Variants in CLASP1 observed in about 807,000 individuals in gnomAD.
CLASP1 encodes the protein cytoplasmic linker associated protein 1, also known as CLIP-associating protein 1.
CLASP1 carries 38 observed loss-of-function variants against 192.3 expected under a neutral mutation model. The observed-to-expected ratio is 0.20, with a 90% CI of 0.15 to 0.26. The LOEUF is 0.26. Among genes scored for constraint, CLASP1 ranks in the 10% least tolerant of loss-of-function variants. The pLI, the probability that CLASP1 is intolerant of heterozygous loss-of-function variation, is 1.00. For missense variants in CLASP1, 1,433 were observed against 1,932.5 expected, an observed-to-expected ratio of 0.74 and a Z score of 4.85; for synonymous variants, 691 against 712.8, an observed-to-expected ratio of 0.97 and a Z score of 0.49.
chr2:121,603,214 A>T (rs2063998569), intron 2 of CLASP1: 1 of 145,630 alleles, frequency 6.9e-6, no homozygotes, highest in Admixed American at 6.7e-5. Context: ...ATCTCAACAG[A>T]AAAAAAAAAT....
At chr2:121,470,735 T>C in intron 8 of CLASP1, 1 of 415,068 alleles carries the variant, frequency 2.4e-6, no homozygotes, top group Non-Finnish European at 4.7e-6. Flanking sequence ...GTAAAAGTTC[T>C]TGATGTATAG....
intron 1 of CLASP1, among the ~76,000 whole-genome samples, chr2:121,632,010 G>C (rs2069775245): frequency 6.6e-6 from 1 of 151,964 alleles, no homozygotes; most frequent in Non-Finnish European, 1.5e-5. Flanking sequence ...TCACGCCACT[G>C]CACTCCAGCC....
chr2:121,457,078 T>C (rs571459452), intron 14 of CLASP1, among the ~76,000 whole-genome samples: 3 of 152,310 alleles, frequency 2.0e-5, no homozygotes, highest in Admixed American at 6.5e-5. Context: ...ACACGTAGTT[T>C]AGGGCAGCTC....
At chr2:121,530,254 G>A (rs1283637300) in exon 3 of CLASP1, 4 of 1,551,792 alleles carry the variant, frequency 2.6e-6, no homozygotes, top group Admixed American at 2.0e-5. Flanking sequence ...CACCTGTGCC[G>A]ATCTGCGCCT....
chr2:121,634,279 G>T (rs2070381083), intron 1 of CLASP1, among the ~76,000 whole-genome samples: 1 of 152,222 alleles, frequency 6.6e-6, no homozygotes, highest in Non-Finnish European at 1.5e-5. Flanking sequence ...TTTGCTGAAT[G>T]ATGATTTTGA....
exon 31 of CLASP1, chr2:121,387,889 T>G: frequency 6.2e-7 from 1 of 1,611,076 alleles, no homozygotes; most frequent in Non-Finnish European, 8.5e-7. Flanking sequence ...ACAGAGAGAT[T>G]AGCACAATCT....
chr2:121,384,495 A>AC lies in CLASP1; in HGVS notation c.3375-2172_3375-2171insG, dbSNP rs2072733200. On this transcript the variant is annotated intron_variant, in intron 32 of 39. Coordinates refer to ENST00000263710, the Ensembl canonical transcript of CLASP1. The stretch of plus-strand genomic sequence containing the variant: ...CAGTCACGGTGTCCAGCCACTAGTG[A>AC]TATTTTTAAACAATTATCAGATTTA... 2.6e-5 allele frequency among the ~76,000 whole-genome samples: 4 copies of AC among 152,196 alleles called. No homozygotes were observed. The South Asian group carries it at 8.3e-4, about 32-fold the overall frequency.
intron 2 of CLASP1, among the ~76,000 whole-genome samples, chr2:121,539,163 AAAT>A (rs1487148588): frequency 6.6e-6 from 1 of 152,210 alleles, no homozygotes; most frequent in Non-Finnish European, 1.5e-5. Context: ...TTTAAGAACT[AAAT>A]AAGTTGATTC....
chr2:121,630,233 T>C (rs1385926187), intron 1 of CLASP1, among the ~76,000 whole-genome samples: 3 of 152,188 alleles, frequency 2.0e-5, no homozygotes, highest in Non-Finnish European at 4.4e-5. Context: ...ATTCCTATTC[T>C]TTCTAGTTAA....
At chr2:121,447,856 G>A (rs1230638134) in intron 18 of CLASP1, among the ~76,000 whole-genome samples, 1 of 152,112 alleles carries the variant, frequency 6.6e-6, no homozygotes, top group Non-Finnish European at 1.5e-5. Context: ...ACATAACTGT[G>A]CCACGCCCTC....
At chr2:121,526,821 A>T (rs2094585587) in intron 5 of CLASP1, among the ~76,000 whole-genome samples, 1 of 152,220 alleles carries the variant, frequency 6.6e-6, no homozygotes, top group Admixed American at 6.5e-5. Context: ...TTTCATAATC[A>T]GAAAAAAAGG....
At chr2:121,487,455 A>G (rs769570818) in intron 8 of CLASP1, among the ~76,000 whole-genome samples, 4 of 152,136 alleles carry the variant, frequency 2.6e-5, no homozygotes, top group Non-Finnish European at 5.9e-5. Flanking sequence ...AGCATTCCTT[A>G]GTTTTTCCCT....
intron 1 of CLASP1, among the ~76,000 whole-genome samples, chr2:121,630,563 CA>C (rs2069340088): frequency 6.6e-6 from 1 of 152,052 alleles, no homozygotes. Context: ...AAGAGAAAAG[CA>C]AACAAGAAAT....
At chr2:121,545,903 CT>C (rs1240612097) in intron 2 of CLASP1, among the ~76,000 whole-genome samples, 1 of 143,988 alleles carries the variant, frequency 6.9e-6, no homozygotes, top group African/African-American at 2.9e-5. Context: ...TTATAGTTTG[CT>C]CATTACTTAA....
At chr2:121,541,950 T>C (rs1367903836) in intron 2 of CLASP1, among the ~76,000 whole-genome samples, 1 of 152,154 alleles carries the variant, frequency 6.6e-6, no homozygotes, top group Non-Finnish European at 1.5e-5. Flanking sequence ...AAAGTAGGCA[T>C]GAAATCTAGA....
chr2:121,578,014 C>T (rs1426692756), intron 2 of CLASP1, among the ~76,000 whole-genome samples: 4 of 152,270 alleles, frequency 2.6e-5, no homozygotes, highest in Middle Eastern at 6.8e-3. Context: ...CTCACTGCAA[C>T]CTCTCCCTTC....
chr2:121,451,926 C>A, intron 14 of CLASP1, 77 bp from the exon 15 acceptor site: 1 of 922,404 alleles, frequency 1.1e-6, no homozygotes, highest in Admixed American at 2.2e-5. Context: ...TCTTAAGTGA[C>A]CCAATACTAT....
chr2:121,528,840 A>C (rs1217350434), intron 3 of CLASP1, 60 bp from the exon 4 acceptor site: 3 of 1,266,248 alleles, frequency 2.4e-6, no homozygotes, highest in East Asian at 2.3e-5. Flanking sequence ...GTGGTCACCA[A>C]GTATTCCTAT....
At chr2:121,407,479 T>C (rs1295390213) in exon 25 of CLASP1, 1 of 1,613,860 alleles carries the variant, frequency 6.2e-7, no homozygotes, top group African/African-American at 1.3e-5. Context: ...ACCTCAGTGT[T>C]CTTTGGCTCT....
Sources: allele counts gnomAD v4.1 joint callset (sites outside exome capture counted in the v4.1 genomes callset), GRCh38; gene constraint gnomAD v4.1.1; transcripts MANE v1.5; gene names NCBI Gene and HGNC (gene_info 2026-07-23, HGNC 2026-07-21).